STXBP5L: variants seen among roughly 807,000 people sequenced by gnomAD.
STXBP5L encodes syntaxin binding protein 5L, also known as syntaxin-binding protein 5-like.
Under a neutral mutation model 144.5 loss-of-function variants are expected in STXBP5L, and 65 were observed. The ratio of observed to expected loss-of-function variants is 0.45; its 90% CI spans 0.37 to 0.55. STXBP5L has a LOEUF of 0.55. Ranked by LOEUF, STXBP5L falls within the 20% of genes least tolerant of loss-of-function variation. The pLI is 0.00. For synonymous variants in STXBP5L, 505 were observed against 469.6 expected, an observed-to-expected ratio of 1.08 and a Z score of -0.97; for missense variants, 1,298 against 1,405.5, an observed-to-expected ratio of 0.92 and a Z score of 1.22.
chr3:121,092,952 A>G (rs376131766), intron 5 of STXBP5L, among the ~76,000 whole-genome samples: 1 of 152,188 alleles, frequency 6.6e-6, no homozygotes, highest in Non-Finnish European at 1.5e-5. Context: ...TCCCATCAAT[A>G]CCTAATTTAT....
intron 3 of STXBP5L, among the ~76,000 whole-genome samples, chr3:120,987,946 A>C (rs1206844670): frequency 6.6e-6 from 1 of 151,744 alleles, no homozygotes; most frequent in African/African-American, 2.4e-5. Flanking sequence ...ATTTCATGAG[A>C]GATTTGATAT....
In STXBP5L at chr3:121,261,854, C is replaced by T. The variant is rs184711409; in HGVS notation, c.1958+2686C>T. 1.7e-3 allele frequency among the ~76,000 whole-genome samples: 265 copies of T among 152,198 alleles called. 1 individual carries two copies. Among genetic ancestry groups the T allele is most frequent in the African/African-American group, 5.6e-3 (231 of 41,520 alleles). ...GAAAAAATAAGAGAAGTTTCTTAGT[C>T]CATTTGGGCTGCTTAACAAAATATC... is the stretch of plus-strand genomic sequence containing the variant. On this transcript the variant is annotated intron_variant, in intron 18 of 26. Transcript: ENST00000471454.
rs1308762156 is a variant in STXBP5L, at chr3:121,013,467, T to C, written c.288-28233T>C. On this transcript the variant is annotated intron_variant, in intron 3 of 26. Transcript: ENST00000471454. The stretch of plus-strand genomic sequence containing the variant: ...TTAGTGATGTTGAGCATTTTTTATA[T>C]GTTTGTTGGGTGCTTGTATGTCTTC... Among the ~76,000 whole-genome samples the C allele has an allele frequency of 2.6e-5, 4 of 152,080 alleles. 1 individual carries two copies. The highest frequency in any genetic ancestry group is 9.7e-5 in the African/African-American group (4 of 41,438).
At chr3:121,094,077 CG>C (rs1218108384) in intron 5 of STXBP5L, among the ~76,000 whole-genome samples, 8 of 152,106 alleles carry the variant, frequency 5.3e-5, no homozygotes, top group African/African-American at 1.9e-4. Context: ...TGTAGTTGAG[CG>C]GTTTTGAGTG....
At chr3:121,082,800 CATTG>C (rs747897268) in intron 5 of STXBP5L, among the ~76,000 whole-genome samples, 2 of 152,180 alleles carry the variant, frequency 1.3e-5, no homozygotes, top group Non-Finnish European at 2.9e-5. Flanking sequence ...TAGTGAACAA[CATTG>C]ATTGATTTTT....
intron 2 of STXBP5L, among the ~76,000 whole-genome samples, chr3:120,920,159 T>TAATA (rs1174469550): frequency 6.6e-6 from 1 of 151,848 alleles, no homozygotes; most frequent in Non-Finnish European, 1.5e-5. Flanking sequence ...AGTAACTCTT[T>TAATA]AAGTCACAGT....
intron 3 of STXBP5L, among the ~76,000 whole-genome samples, chr3:121,038,501 GTTT>G (rs2107537757): frequency 6.6e-6 from 1 of 151,738 alleles, no homozygotes. Flanking sequence ...TTTGATACTT[GTTT>G]TATAGTTCGA....
intron 7 of STXBP5L, among the ~76,000 whole-genome samples, chr3:121,148,985 CCTGT>C (rs1449338709): frequency 7.2e-5 from 11 of 152,022 alleles, no homozygotes; most frequent in African/African-American, 2.2e-4. Context: ...TATAATTCTA[CCTGT>C]CTAATTCGAA....
In STXBP5L at chr3:121,353,066, G is replaced by C. The variant is rs141587941; in HGVS notation, c.2177-25650G>C. On this transcript the variant is annotated intron_variant, in intron 20 of 26. Coordinates refer to ENST00000471454, the MANE Select transcript of STXBP5L (RefSeq NM_001308330.2). ...CGTGTTGGATAAGCTTTTTGATGTG[G>C]TGCTGGATTCGGTTTGCCAGTATTT... Among the ~76,000 whole-genome samples the C allele has an allele frequency of 7.9e-3, 1,202 of 152,234 alleles. 14 individuals carry two copies. Among genetic ancestry groups the C allele is most frequent in the African/African-American group, 0.028 (1,158 of 41,546 alleles).
At chr3:120,915,582 A>G (rs80174919) in intron 2 of STXBP5L, among the ~76,000 whole-genome samples, 1 of 151,978 alleles carries the variant, frequency 6.6e-6, no homozygotes, top group East Asian at 1.9e-4. Flanking sequence ...AGTGACAGTT[A>G]TTTTCTTTTT....
intron 20 of STXBP5L, among the ~76,000 whole-genome samples, chr3:121,353,060 G>C (rs985182953): frequency 1.3e-5 from 2 of 152,174 alleles, no homozygotes; most frequent in Non-Finnish European, 1.5e-5. Context: ...TAAGCTTTTT[G>C]ATGTGGTGCT....
At chr3:121,321,477 T>A (rs1185224732) in intron 20 of STXBP5L, among the ~76,000 whole-genome samples, 1 of 152,180 alleles carries the variant, frequency 6.6e-6, no homozygotes, top group African/African-American at 2.4e-5. Flanking sequence ...TTCAATACAA[T>A]ACATATACAA....
chr3:121,078,687 G>A (rs992956344), intron 5 of STXBP5L, among the ~76,000 whole-genome samples: 5 of 152,142 alleles, frequency 3.3e-5, no homozygotes, highest in African/African-American at 1.2e-4. Context: ...TGCAGGTTCT[G>A]AGCCCTGCCC....
chr3:121,165,963 CCT>C (rs1208149273), intron 9 of STXBP5L, among the ~76,000 whole-genome samples: 1 of 8,852 alleles, frequency 1.1e-4, no homozygotes, highest in African/African-American at 5.3e-4. Flanking sequence ...AAATATCGCC[CCT>C]GTTCCATTCT....
intron 3 of STXBP5L, among the ~76,000 whole-genome samples, chr3:120,986,521 G>A (rs939269654): frequency 6.6e-6 from 1 of 151,768 alleles, no homozygotes; most frequent in African/African-American, 2.4e-5. Flanking sequence ...GTCAGTTTTT[G>A]CTTATATTTT....
chr3:121,066,580 G>A (rs866222662), intron 5 of STXBP5L, among the ~76,000 whole-genome samples: 2 of 152,018 alleles, frequency 1.3e-5, no homozygotes, highest in Middle Eastern at 3.4e-3. Flanking sequence ...CGATGTATTA[G>A]CATTATTATA....
intron 20 of STXBP5L, among the ~76,000 whole-genome samples, chr3:121,342,759 G>T: frequency 3.4e-5 from 5 of 144,998 alleles, no homozygotes; most frequent in African/African-American, 5.2e-5. Context: ...TTGGACATTT[G>T]GGTTGGTTCC....
At chr3:121,006,272 C>G (rs138336113) in intron 3 of STXBP5L, among the ~76,000 whole-genome samples, 5,754 of 152,232 alleles carry the variant, frequency 0.038, 149 homozygotes, top group Non-Finnish European at 0.056. Context: ...ATAGTTAGCT[C>G]TTCTTGTTGA....
intron 1 of STXBP5L, 146 bp from the exon 2 acceptor site, chr3:120,909,425 C>A: frequency 2.9e-6 from 2 of 684,788 alleles, no homozygotes; most frequent in Non-Finnish European, 4.6e-6. Context: ...AAAACGAATC[C>A]TGACTCTTTT....
Sources: allele counts gnomAD v4.1 joint callset (sites outside exome capture counted in the v4.1 genomes callset), GRCh38; gene constraint gnomAD v4.1.1; transcripts MANE v1.5; gene names NCBI Gene and HGNC (gene_info 2026-07-23, HGNC 2026-07-21).